The following KLHL3 variants were observed in gnomAD, a reference collection of about 807,000 sequenced individuals.
KLHL3 encodes kelch-like protein 3.
A neutral mutation model predicts 70.5 loss-of-function variants in KLHL3; 19 were observed. The ratio of observed to expected loss-of-function variants is 0.27; its 90% CI spans 0.19 to 0.40. The LOEUF (loss-of-function observed/expected upper bound fraction) is 0.40. Among genes scored for constraint, KLHL3 ranks in the 10% least tolerant of loss-of-function variants. The pLI, the probability that KLHL3 is intolerant of heterozygous loss-of-function variation, is 1.00. For synonymous variants in KLHL3, 258 were observed against 290.3 expected (o/e 0.89, Z 1.13); for missense variants, 512 against 771.1 (o/e 0.66, Z 3.98).
intron 8 of KLHL3, among the ~76,000 whole-genome samples, chr5:137,653,705 A>G (rs1464364052): frequency 6.6e-6 from 1 of 152,224 alleles, no homozygotes; most frequent in East Asian, 1.9e-4. Flanking sequence ...ATTTCTTATA[A>G]AGTTAAACAT....
At chr5:137,722,495 G>A (rs1753014813) in intron 1 of KLHL3, among the ~76,000 whole-genome samples, 2 of 152,162 alleles carry the variant, frequency 1.3e-5, no homozygotes, top group South Asian at 4.1e-4. Context: ...CTTGAGACTT[G>A]AATCAGAGAG....
chr5:137,647,921 T>A (rs1751098011), intron 8 of KLHL3, among the ~76,000 whole-genome samples: 3 of 152,362 alleles, frequency 2.0e-5, no homozygotes, highest in Admixed American at 2.0e-4. Flanking sequence ...TGAACCTTGC[T>A]AAGCCTCATT....
chr5:137,722,918 T>C (rs1753023938), intron 1 of KLHL3, among the ~76,000 whole-genome samples: 1 of 152,188 alleles, frequency 6.6e-6, no homozygotes. Flanking sequence ...ATCTGCTCAC[T>C]CCGGCCTCCC....
intron 2 of KLHL3, among the ~76,000 whole-genome samples, chr5:137,713,785 T>A (rs1289385068): frequency 2.0e-5 from 3 of 152,252 alleles, no homozygotes; most frequent in Admixed American, 6.5e-5. Flanking sequence ...ATCTACCTGA[T>A]AATGAGCTTG....
At chr5:137,714,039 C>T (rs894573576) in intron 2 of KLHL3, among the ~76,000 whole-genome samples, 2 of 145,364 alleles carry the variant, frequency 1.4e-5, no homozygotes, top group African/African-American at 2.6e-5. Context: ...CCCAACCCCA[C>T]ATATTTCTCC....
At chr5:137,677,455 A>C in intron 6 of KLHL3, 90 bp downstream of exon 6, 1 of 758,920 alleles carries the variant, frequency 1.3e-6, no homozygotes, top group Non-Finnish European at 2.2e-6. Flanking sequence ...CTCAAAAAAA[A>C]AGAAAAGAAA....
intron 13 of KLHL3, among the ~76,000 whole-genome samples, chr5:137,627,401 C>A (rs1019684635): frequency 6.8e-6 from 1 of 147,392 alleles, no homozygotes; most frequent in Non-Finnish European, 1.5e-5. Context: ...TCCTGTAATT[C>A]TTTGCTCATG....
intron 11 of KLHL3, among the ~76,000 whole-genome samples, chr5:137,635,713 C>T (rs1750749882): frequency 6.6e-6 from 1 of 152,160 alleles, no homozygotes; most frequent in Non-Finnish European, 1.5e-5. Context: ...TCTGCTGCCC[C>T]AGGGTGCCCA....
intron 5 of KLHL3, among the ~76,000 whole-genome samples, chr5:137,682,403 T>TAGAGAGAGAGAGAGAGAGAGAGAGAG (rs10578622): frequency 0.013 from 1,693 of 133,256 alleles, 47 homozygotes; most frequent in Non-Finnish European, 0.018. Context: ...GTGCTGGACA[T>TAGAGAGAGAGAGAGAGAGAGAGAGAG]AGAGAGAGAG....
chr5:137,728,501 G>A (rs1753120641), intron 1 of KLHL3, among the ~76,000 whole-genome samples: 1 of 152,084 alleles, frequency 6.6e-6, no homozygotes, highest in African/African-American at 2.4e-5. Context: ...TACTTTCTTA[G>A]GCAGCCCAGT....
intron 2 of KLHL3, among the ~76,000 whole-genome samples, chr5:137,712,138 G>T (rs1207565266): frequency 8.1e-6 from 1 of 122,802 alleles, no homozygotes; most frequent in East Asian, 2.3e-4. Context: ...CAGCCTGGGT[G>T]ACAGAGCAAG....
Position 137,692,280 on chromosome 5 carries a change from C to G in KLHL3, c.526+5G>C, listed in dbSNP as rs370397920. ...AGGAGGTGCAGCAGTCCGGCTCCCC[C>G]TTACCTGCGTAGGCATTGGCCTGCT... On this transcript the variant is annotated splice_donor_5th_base_variant and intron_variant, in intron 5 of 14. Transcript: ENST00000309755. 6.2e-7 allele frequency: 1 copy of G among 1,610,456 alleles called. No individual in the cohort carries two copies. Among genetic ancestry groups the G allele is most frequent in the Non-Finnish European group, 8.5e-7 (1 of 1,178,918 alleles).
intron 2 of KLHL3, among the ~76,000 whole-genome samples, chr5:137,716,844 GC>G (rs1752902916): frequency 6.6e-6 from 1 of 152,136 alleles, no homozygotes; most frequent in Non-Finnish European, 1.5e-5. Context: ...GAAAGGGCTG[GC>G]TTTTGTTAGA....
chr5:137,632,814 G>A (rs1750670295), intron 12 of KLHL3, among the ~76,000 whole-genome samples: 3 of 151,878 alleles, frequency 2.0e-5, no homozygotes, highest in Admixed American at 2.0e-4. Context: ...ACTCAACAAG[G>A]AAAAAACAAC....
At chr5:137,716,825 G>T (rs1241221684) in intron 2 of KLHL3, among the ~76,000 whole-genome samples, 1 of 152,124 alleles carries the variant, frequency 6.6e-6, no homozygotes. Flanking sequence ...ATCAGTGGTG[G>T]GGTCTTTTGA....
intron 8 of KLHL3, among the ~76,000 whole-genome samples, chr5:137,645,222 A>G (rs1474063526): frequency 6.6e-6 from 1 of 152,198 alleles, no homozygotes; most frequent in Non-Finnish European, 1.5e-5. Flanking sequence ...AGAAAGGGGA[A>G]AGTTGAAAGC....
intron 2 of KLHL3, 121 bp from the exon 3 acceptor site, chr5:137,709,977 G>A: frequency 1.3e-6 from 1 of 757,982 alleles, no homozygotes; most frequent in East Asian, 2.6e-5. Flanking sequence ...CTGTCACAGG[G>A]ACTTGCTCTA....
At chr5:137,722,889 G>A (rs1163322666) in intron 1 of KLHL3, among the ~76,000 whole-genome samples, 2 of 152,042 alleles carry the variant, frequency 1.3e-5, no homozygotes, top group East Asian at 1.9e-4. Context: ...GGCTGTTCTC[G>A]AACTCCTGGC....
chr5:137,699,847 A>C (rs1289751302), intron 3 of KLHL3, among the ~76,000 whole-genome samples: 2 of 152,152 alleles, frequency 1.3e-5, no homozygotes, highest in Non-Finnish European at 2.9e-5. Flanking sequence ...AGAGCCAAGA[A>C]AATAAAGTAC....
Sources: allele counts gnomAD v4.1 joint callset (sites outside exome capture counted in the v4.1 genomes callset), GRCh38; gene constraint gnomAD v4.1.1; transcripts MANE v1.5; gene names NCBI Gene and HGNC (gene_info 2026-07-23, HGNC 2026-07-21).